The following DAPK1 variants were observed in gnomAD, a reference collection of about 807,000 sequenced individuals.
DAPK1 encodes death associated protein kinase 1.
In DAPK1, 56 loss-of-function variants were observed where a neutral mutation model predicts 144.9. That is an observed-to-expected ratio of 0.39 (90% CI 0.31 to 0.48). The LOEUF (loss-of-function observed/expected upper bound fraction) is 0.48, where lower values mean the gene tolerates loss of function less well. DAPK1 is among the 20% of genes least tolerant of loss of function. The pLI, the probability that DAPK1 is intolerant of heterozygous loss-of-function variation, is 0.95. For synonymous variants in DAPK1, 690 were observed against 749.0 expected, an observed-to-expected ratio of 0.92 and a Z score of 1.29; for missense variants, 1,454 against 1,875.4, an observed-to-expected ratio of 0.78 and a Z score of 4.15.
At chr9:87,532,257 A>AT (rs1474898761) in intron 2 of DAPK1, among the ~76,000 whole-genome samples, 28 of 152,226 alleles carry the variant, frequency 1.8e-4, no homozygotes, top group Non-Finnish European at 4.1e-4. Flanking sequence ...ATTGGAAAAG[A>AT]TTTTTAAAAA....
At chr9:87,589,506 C>G (rs544213867) in intron 2 of DAPK1, among the ~76,000 whole-genome samples, 2 of 152,190 alleles carry the variant, frequency 1.3e-5, no homozygotes, top group South Asian at 4.2e-4. Context: ...AGGGAGATTA[C>G]ACTTGTGTCA....
intron 3 of DAPK1, among the ~76,000 whole-genome samples, chr9:87,623,392 G>A (rs1829376434): frequency 1.3e-5 from 2 of 152,164 alleles, no homozygotes; most frequent in South Asian, 4.1e-4. Context: ...CATTTTTGAG[G>A]CTAGAGACCT....
chr9:87,628,343 T>C (rs988122928), intron 3 of DAPK1, among the ~76,000 whole-genome samples: 2 of 152,196 alleles, frequency 1.3e-5, no homozygotes, highest in East Asian at 1.9e-4. Context: ...GGAACTTCGT[T>C]GATATGATTC....
At chr9:87,554,508 A>G (rs1826626445) in intron 2 of DAPK1, 1 of 152,102 alleles carries the variant, frequency 6.6e-6, no homozygotes, top group Non-Finnish European at 1.5e-5. Context: ...TTACCTCCGG[A>G]CATAACAGTG....
At chr9:87,540,132 C>T (rs931901326) in intron 2 of DAPK1, among the ~76,000 whole-genome samples, 2 of 149,612 alleles carry the variant, frequency 1.3e-5, no homozygotes, top group Admixed American at 6.7e-5. Context: ...ACTTTTATTA[C>T]AGTATATTGT....
chr9:87,571,171 G>C (rs1292586658), intron 2 of DAPK1, among the ~76,000 whole-genome samples: 1 of 152,016 alleles, frequency 6.6e-6, no homozygotes, highest in Non-Finnish European at 1.5e-5. Flanking sequence ...TAAGGGAACA[G>C]TGACTTAATT....
At chr9:87,587,124 A>G (rs144240175) in intron 2 of DAPK1, among the ~76,000 whole-genome samples, 7 of 152,352 alleles carry the variant, frequency 4.6e-5, no homozygotes, top group African/African-American at 1.7e-4. Flanking sequence ...CAGGTTGCCT[A>G]GTTCATCAAA....
At position 87,526,775 on chromosome 9, in the gene DAPK1, G is replaced by C. The variant is rs13286092; in HGVS notation, c.62+27636G>C. 5.7e-3 allele frequency among the ~76,000 whole-genome samples: 864 copies of C among 152,290 alleles called. 4 individuals are homozygous for C. The highest frequency in any genetic ancestry group is 9.3e-3 in the Non-Finnish European group (635 of 68,010). On this transcript the variant is annotated intron_variant, in intron 2 of 25. Transcript: ENST00000408954. Reference sequence around the variant, plus strand: ...TGGTGGTGTCGCCGTGCCCAAGTCTGATTGACAGCTAACCATTCAGCCATC... The same window carrying C: ...TGGTGGTGTCGCCGTGCCCAAGTCTCATTGACAGCTAACCATTCAGCCATC...
intron 2 of DAPK1, among the ~76,000 whole-genome samples, chr9:87,539,002 T>C (rs1016159117): frequency 1.3e-5 from 2 of 150,132 alleles, no homozygotes; most frequent in Admixed American, 6.6e-5. Context: ...TTTAAACATA[T>C]ATAGTTTAAA....
intron 2 of DAPK1, among the ~76,000 whole-genome samples, chr9:87,514,504 T>C (rs1240308135): frequency 1.3e-5 from 2 of 152,222 alleles, no homozygotes; most frequent in African/African-American, 4.8e-5. Flanking sequence ...ATAATTACTT[T>C]CAAATGTCAT....
intron 17 of DAPK1, 199 bp from the exon 18 acceptor site, chr9:87,657,830 C>A: frequency 1.7e-6 from 1 of 583,744 alleles, no homozygotes; most frequent in Non-Finnish European, 3.1e-6. Flanking sequence ...TTTGAAGCTC[C>A]TCTTTTAATT....
At chr9:87,681,222 G>A (rs1587840131) in intron 19 of DAPK1, among the ~76,000 whole-genome samples, 182 bp from the exon 20 acceptor site, 1 of 150,548 alleles carries the variant, frequency 6.6e-6, no homozygotes. Flanking sequence ...AGGTTGCGGT[G>A]AGCTGAGATC....
intron 3 of DAPK1, among the ~76,000 whole-genome samples, chr9:87,625,186 C>G (rs2119062065): frequency 6.7e-6 from 1 of 149,946 alleles, no homozygotes; most frequent in Non-Finnish European, 1.5e-5. Flanking sequence ...AAGGCAGAAT[C>G]AGCACCTATG....
chr9:87,677,124 G>A (rs1313026956), intron 19 of DAPK1, among the ~76,000 whole-genome samples: 2 of 152,196 alleles, frequency 1.3e-5, no homozygotes, highest in African/African-American at 4.8e-5. Flanking sequence ...GCTGCAGACA[G>A]GAAACACATC....
In DAPK1 at chr9:87,707,601, G is replaced by A. The variant is rs945739925; in HGVS notation, c.*237G>A. The A allele has an allele frequency of 1.4e-5, 8 of 554,326 alleles. No individual in the cohort carries two copies. The Admixed American group carries it at 2.2e-4, about 15-fold the overall frequency. 34.3% of individuals were successfully genotyped at this position (554,326 alleles called of 1,614,324 possible). ...GCAGAACAGATCTTTTACTTTGGCCGCTTGAAAAGCTAGTGTACCTCCTCT... is the reference window on the plus strand; with the variant it reads ...GCAGAACAGATCTTTTACTTTGGCCACTTGAAAAGCTAGTGTACCTCCTCT... On this transcript the variant is annotated 3_prime_UTR_variant, in exon 26 of 26. Coordinates refer to ENST00000408954, the MANE Select transcript of DAPK1 (RefSeq NM_004938.4). This position sits in a 1 kb window ranked among gnomAD's most constrained non-coding sequence, Gnocchi z 4.0.
chr9:87,663,553 G>A (rs1046371686), intron 18 of DAPK1, among the ~76,000 whole-genome samples: 3 of 152,072 alleles, frequency 2.0e-5, no homozygotes, highest in Non-Finnish European at 4.4e-5. Context: ...CCCTTGGCAC[G>A]CCCTGACAAT....
intron 3 of DAPK1, among the ~76,000 whole-genome samples, chr9:87,631,114 G>A (rs947018989): frequency 1.3e-5 from 2 of 152,100 alleles, no homozygotes; most frequent in Non-Finnish European, 2.9e-5. Context: ...GTGCCCTGGG[G>A]GAGCATACTT....
intron 2 of DAPK1, among the ~76,000 whole-genome samples, chr9:87,576,119 T>G (rs1302442496): frequency 6.6e-6 from 1 of 152,222 alleles, no homozygotes; most frequent in South Asian, 2.1e-4. Context: ...CATTCCAAAC[T>G]TGGGTGGACT....
chr9:87,641,139 CA>C (rs1435014870), intron 9 of DAPK1, among the ~76,000 whole-genome samples: 2 of 152,200 alleles, frequency 1.3e-5, no homozygotes, highest in Admixed American at 6.5e-5. Context: ...GTGTATTTAA[CA>C]TTTTATGTTG....
Sources: allele counts gnomAD v4.1 joint callset (sites outside exome capture counted in the v4.1 genomes callset), GRCh38; gene constraint gnomAD v4.1.1; non-coding constraint Gnocchi (gnomAD v3.1); transcripts MANE v1.5; gene names NCBI Gene and HGNC (gene_info 2026-07-23, HGNC 2026-07-21).